Variants in NFIB observed in about 807,000 individuals in gnomAD.
The protein encoded by NFIB is nuclear factor I B.
A neutral mutation model predicts 61.5 loss-of-function variants in NFIB; 11 were observed. The observed-to-expected ratio is 0.18, with a 90% CI of 0.11 to 0.30. NFIB has a LOEUF of 0.30. NFIB is among the 10% of genes least tolerant of loss of function. NFIB has a pLI of 1.00. For synonymous variants in NFIB, 260 were observed against 216.5 expected (o/e 1.20, Z -1.76); for missense variants, 471 against 608.9 (o/e 0.77, Z 2.38).
At chr9:14,310,636 A>T (rs1233206113) in intron 1 of NFIB, among the ~76,000 whole-genome samples, 2 of 152,142 alleles carry the variant, frequency 1.3e-5, no homozygotes, top group Non-Finnish European at 2.9e-5. Context: ...TAAATTCTTT[A>T]AAAAAAGCAA....
intron 3 of NFIB, among the ~76,000 whole-genome samples, chr9:14,159,188 C>T (rs2043840239): frequency 6.6e-6 from 1 of 152,260 alleles, no homozygotes; most frequent in East Asian, 1.9e-4. Flanking sequence ...AATACAATGA[C>T]TATTGCAGCT....
the NFIB span, among the ~76,000 whole-genome samples, chr9:14,509,591 A>C: frequency 6.6e-6 from 1 of 152,206 alleles, no homozygotes; most frequent in South Asian, 2.1e-4. Context: ...GTAGGGAGCA[A>C]ACGTATCAAC....
At chr9:14,428,063 A>C in the NFIB span, among the ~76,000 whole-genome samples, 210 of 143,374 alleles carry the variant, frequency 1.5e-3, 1 homozygote, top group African/African-American at 5.1e-3. Flanking sequence ...CTCCCACCTC[A>C]GCTTCCTGAG....
intron 1 of NFIB, among the ~76,000 whole-genome samples, chr9:14,389,626 T>G (rs1042941852): frequency 6.6e-6 from 1 of 152,122 alleles, no homozygotes; most frequent in East Asian, 1.9e-4. Flanking sequence ...GATGTCTACT[T>G]TATATCCAAA....
intron 1 of NFIB, among the ~76,000 whole-genome samples, chr9:14,375,558 C>T (rs759340147): frequency 1.1e-4 from 16 of 151,708 alleles, no homozygotes; most frequent in South Asian, 4.2e-4. Flanking sequence ...CTTGGGAGGC[C>T]GAGGCAGAAG....
chr9:14,441,755 C>A, the NFIB span, among the ~76,000 whole-genome samples: 8 of 152,108 alleles, frequency 5.3e-5, no homozygotes, highest in South Asian at 2.1e-4. Flanking sequence ...GTGGCCATGT[C>A]TGCCTATGGA....
At chr9:14,088,952 C>T (rs1178836580) in intron 10 of NFIB, among the ~76,000 whole-genome samples, 1 of 152,004 alleles carries the variant, frequency 6.6e-6, no homozygotes, top group Non-Finnish European at 1.5e-5. Flanking sequence ...TAGTAAAGAC[C>T]GAACAAATAA....
chr9:14,110,283 T>A (rs1377858609), intron 10 of NFIB, among the ~76,000 whole-genome samples: 1 of 152,034 alleles, frequency 6.6e-6, no homozygotes, highest in Non-Finnish European at 1.5e-5. Context: ...AAAACAACAC[T>A]CAAAACTACA....
intron 1 of NFIB, among the ~76,000 whole-genome samples, chr9:14,387,889 G>T (rs2061567415): frequency 6.6e-6 from 1 of 152,176 alleles, no homozygotes; most frequent in African/African-American, 2.4e-5. Flanking sequence ...GGTAAGCCGA[G>T]GAGGCTGCTC....
At chr9:14,259,747 A>C (rs1364046839) in intron 2 of NFIB, among the ~76,000 whole-genome samples, 1 of 142,462 alleles carries the variant, frequency 7.0e-6, no homozygotes, top group Non-Finnish European at 1.5e-5. Context: ...CTAAAAATAC[A>C]AAAAAAAATT....
chr9:14,315,812 G>A (rs906460233), upstream of NFIB, among the ~76,000 whole-genome samples: 4 of 151,880 alleles, frequency 2.6e-5, no homozygotes, highest in Admixed American at 2.6e-4. Context: ...GGGAAGCAAA[G>A]GCCTCCCAGA....
intron 2 of NFIB, among the ~76,000 whole-genome samples, chr9:14,205,225 GGGAGGGGGAA>G (rs2049519952): frequency 8.0e-6 from 1 of 125,744 alleles, no homozygotes; most frequent in Admixed American, 8.2e-5. Context: ...GGGAGGGGAG[GGGAGGGGGAA>G]AAAAGAAGGG....
At chr9:14,460,732 C>A in the NFIB span, among the ~76,000 whole-genome samples, 1 of 152,042 alleles carries the variant, frequency 6.6e-6, no homozygotes, top group Admixed American at 6.6e-5. Context: ...AGTGAACTTT[C>A]TAAAACACAA....
At chr9:14,404,641 T>C in the NFIB span, among the ~76,000 whole-genome samples, 1 of 152,302 alleles carries the variant, frequency 6.6e-6, no homozygotes, top group East Asian at 1.9e-4. Flanking sequence ...TGCAGACTTG[T>C]TTTCCCAGGC....
intron 2 of NFIB, among the ~76,000 whole-genome samples, chr9:14,210,410 G>A (rs2050187908): frequency 1.3e-5 from 2 of 151,672 alleles, no homozygotes; most frequent in South Asian, 4.2e-4. Flanking sequence ...TAAAAATAAC[G>A]AAAAATGAAC....
chr9:14,359,170 T>C (rs1443840847), intron 1 of NFIB, among the ~76,000 whole-genome samples: 1 of 152,170 alleles, frequency 6.6e-6, no homozygotes, highest in Non-Finnish European at 1.5e-5. Flanking sequence ...CTGGCAGCTG[T>C]AGTGGGTTGA....
In NFIB at chr9:14,084,365, A is replaced by T. The variant is rs2032505655; in HGVS notation, c.*3944T>A. On this transcript the variant is annotated 3_prime_UTR_variant, in exon 11 of 11. Coordinates refer to ENST00000380953, the MANE Select transcript of NFIB (RefSeq NM_001190737.2). ...TCTACAAGGTAGGCGGTTCATTAAG[A>T]AGACCTTTCGCTCTTCTCGCTACTT... 6.3e-5 allele frequency: 14 copies of T among 221,436 alleles called. No homozygotes were observed. The East Asian group carries it at 8.0e-4, about 13-fold the overall frequency. The allele number at this position is 221,436 out of a possible 1,614,324, so 13.7% of individuals were successfully genotyped here.
intron 1 of NFIB, among the ~76,000 whole-genome samples, chr9:14,390,485 G>A (rs1588412434): frequency 6.6e-6 from 1 of 152,188 alleles, no homozygotes; most frequent in Non-Finnish European, 1.5e-5. Context: ...TCAAGTGTAA[G>A]AGTAAACTAA....
At chr9:14,240,275 C>T (rs1587855846) in intron 2 of NFIB, among the ~76,000 whole-genome samples, 1 of 152,018 alleles carries the variant, frequency 6.6e-6, no homozygotes, top group Non-Finnish European at 1.5e-5. Flanking sequence ...CTTTCTCTCC[C>T]TCTCTCTCAA....
Sources: gnomAD v4.1 joint callset for allele counts (sites outside exome capture counted in the v4.1 genomes callset) on GRCh38, gnomAD v4.1.1 for gene constraint, MANE v1.5 for transcripts, NCBI Gene and HGNC (gene_info 2026-07-23, HGNC 2026-07-21) for gene names.